The following AGBL1 variants were observed in gnomAD, a reference collection of about 807,000 sequenced individuals.
The protein encoded by AGBL1 is AGBL carboxypeptidase 1.
AGBL1 carries 130 observed loss-of-function variants against 118.9 expected under a neutral mutation model. The observed-to-expected ratio is 1.09, with a 90% confidence interval of 0.95 to 1.26. The LOEUF (loss-of-function observed/expected upper bound fraction) is 1.26, where lower values mean the gene tolerates loss of function less well. Among genes scored for constraint, AGBL1 ranks in the 50% most tolerant of loss-of-function variants. The pLI is 0.00. For synonymous variants in AGBL1, 555 were observed against 478.9 expected, an observed-to-expected ratio of 1.16 and a Z score of -2.08; for missense variants, 1,584 against 1,298.1, an observed-to-expected ratio of 1.22 and a Z score of -3.38.
chr15:86,197,451 G>A (rs2077832298), intron 5 of AGBL1, among the ~76,000 whole-genome samples: 1 of 152,232 alleles, frequency 6.6e-6, no homozygotes, highest in African/African-American at 2.4e-5. Flanking sequence ...AGCCATCGTT[G>A]TTATGAAGTG....
chr15:86,435,862 T>C (rs1183831105), intron 18 of AGBL1, among the ~76,000 whole-genome samples: 2 of 152,184 alleles, frequency 1.3e-5, no homozygotes, highest in Non-Finnish European at 2.9e-5. Context: ...GCTCAATACA[T>C]CTTCAGCTAT....
downstream of AGBL1, among the ~76,000 whole-genome samples, chr15:87,030,943 A>G (rs1424762460): frequency 2.0e-5 from 3 of 151,966 alleles, no homozygotes; most frequent in Non-Finnish European, 4.4e-5. Context: ...GTGGCATCAC[A>G]GGTCCTGATA....
chr15:86,451,347 G>A (rs1172872449), intron 18 of AGBL1, among the ~76,000 whole-genome samples: 3 of 152,174 alleles, frequency 2.0e-5, no homozygotes, highest in African/African-American at 7.2e-5. Flanking sequence ...GGAAGTTTGA[G>A]GATAGAGACC....
intron 21 of AGBL1, among the ~76,000 whole-genome samples, chr15:86,635,005 T>C (rs1019900750): frequency 6.6e-6 from 1 of 152,142 alleles, no homozygotes. Flanking sequence ...AGATGTATAT[T>C]GAAAAATGAG....
At chr15:86,640,304 A>G (rs1451913798) in intron 21 of AGBL1, among the ~76,000 whole-genome samples, 1 of 152,194 alleles carries the variant, frequency 6.6e-6, no homozygotes, top group Non-Finnish European at 1.5e-5. Context: ...ATATTATGGC[A>G]TGAGTGTTTC....
chr15:86,241,666 A>C (rs1430058084), intron 6 of AGBL1, among the ~76,000 whole-genome samples: 1 of 152,168 alleles, frequency 6.6e-6, no homozygotes, highest in African/African-American at 2.4e-5. Flanking sequence ...AAGGTCCTTA[A>C]TCTCATTCAC....
intron 5 of AGBL1, among the ~76,000 whole-genome samples, chr15:86,165,190 G>A (rs1597481555): frequency 1.3e-5 from 2 of 152,190 alleles, no homozygotes; most frequent in East Asian, 1.9e-4. Context: ...TGTCCTAGTA[G>A]CTCCTTGTGC....
chr15:86,367,772 G>T (rs766361252), intron 17 of AGBL1, among the ~76,000 whole-genome samples: 1 of 152,120 alleles, frequency 6.6e-6, no homozygotes, highest in African/African-American at 2.4e-5. Flanking sequence ...AACAGATGAC[G>T]TTGGTAGATA....
intron 20 of AGBL1, among the ~76,000 whole-genome samples, chr15:86,547,572 A>C (rs1761297887): frequency 6.6e-6 from 1 of 152,140 alleles, no homozygotes; most frequent in Non-Finnish European, 1.5e-5. Flanking sequence ...ATAAATTCAA[A>C]ACACATTTTG....
chr15:86,880,855 G>T (rs1265191539), intron 22 of AGBL1, among the ~76,000 whole-genome samples: 1 of 152,112 alleles, frequency 6.6e-6, no homozygotes, highest in African/African-American at 2.4e-5. Flanking sequence ...TTCTCCTGCA[G>T]CCTTGGCCTT....
chr15:86,403,731 A>G (rs1307960535), intron 18 of AGBL1, among the ~76,000 whole-genome samples: 3 of 152,210 alleles, frequency 2.0e-5, no homozygotes, highest in Non-Finnish European at 4.4e-5. Flanking sequence ...TTCAGTTTTG[A>G]GTGCAGTTTA....
At chr15:86,743,966 A>C (rs2077718689) in intron 22 of AGBL1, among the ~76,000 whole-genome samples, 1 of 152,138 alleles carries the variant, frequency 6.6e-6, no homozygotes, top group African/African-American at 2.4e-5. Context: ...ACTTAGAAGT[A>C]AAATAAATCA....
At chr15:86,796,340 T>G (rs2141340322) in intron 22 of AGBL1, among the ~76,000 whole-genome samples, 1 of 152,308 alleles carries the variant, frequency 6.6e-6, no homozygotes, top group East Asian at 1.9e-4. Flanking sequence ...TCACAAAGGA[T>G]TGTCCCTAAG....
At chr15:86,358,661 T>A (rs1032882488) in intron 17 of AGBL1, among the ~76,000 whole-genome samples, 46 of 152,136 alleles carry the variant, frequency 3.0e-4, no homozygotes, top group African/African-American at 1.1e-3. Context: ...GTGCAAGGGG[T>A]CCCTTTTCTC....
At chr15:86,621,144 G>T (rs995932792) in intron 21 of AGBL1, among the ~76,000 whole-genome samples, 1 of 152,176 alleles carries the variant, frequency 6.6e-6, no homozygotes, top group African/African-American at 2.4e-5. Context: ...AACTGTGCTT[G>T]CAGATTTCAT....
intron 21 of AGBL1, among the ~76,000 whole-genome samples, chr15:86,596,157 A>C (rs2084402366): frequency 6.6e-6 from 1 of 152,052 alleles, no homozygotes; most frequent in Non-Finnish European, 1.5e-5. Context: ...CAAAAGAAAA[A>C]ATTAGCTGGA....
chr15:86,918,179 C>T (rs542710939), downstream of AGBL1, among the ~76,000 whole-genome samples: 2 of 152,268 alleles, frequency 1.3e-5, no homozygotes, highest in East Asian at 1.9e-4. Flanking sequence ...TAAACATGAA[C>T]CAGACCTTGG....
chr15:86,674,327 G>T lies in AGBL1; in HGVS notation c.3049G>T (p.Gly1017Cys), dbSNP rs764250525. 1 of 1,612,020 alleles carries T rather than the reference G, an allele frequency of 6.2e-7. No individual in the cohort carries two copies. Among genetic ancestry groups the T allele is most frequent in the East Asian group, 2.2e-5 (1 of 44,698 alleles). The change falls in exon 22 of 23, where the codon GGC becomes TGC. Residue 1017 changes from glycine to cysteine, a missense_variant. Gly to Cys is a radical substitution (Grantham distance 159). Transcript: ENST00000614907. ...LEEMGAMFCL[G>C]LLILELKSAS... ...GGAGATGGGAGCCATGTTCTGTTTG[G>T]GCCTCCTCATCCTGGAGCTCAAATC... is the stretch of plus-strand genomic sequence containing the variant.
intron 16 of AGBL1, among the ~76,000 whole-genome samples, chr15:86,294,477 T>TA (rs1035647428): frequency 4.6e-5 from 7 of 150,562 alleles, no homozygotes; most frequent in South Asian, 2.1e-4. Flanking sequence ...TTTTTTTTTT[T>TA]AAATGAGTAT....
Sources: gnomAD v4.1 joint callset for allele counts (sites outside exome capture counted in the v4.1 genomes callset) on GRCh38, gnomAD v4.1.1 for gene constraint, MANE v1.5 for transcripts, NCBI Gene and HGNC (gene_info 2026-07-23, HGNC 2026-07-21) for gene names.